MED15: variants seen among roughly 807,000 people sequenced by gnomAD.
MED15 encodes mediator complex subunit 15.
MED15 carries 41 observed loss-of-function variants against 118.7 expected under a neutral mutation model. That is an observed-to-expected ratio of 0.35 (90% CI 0.27 to 0.45). The LOEUF is 0.45. MED15 is among the 20% of genes least tolerant of loss of function. The pLI, the probability that MED15 is intolerant of heterozygous loss-of-function variation, is 1.00. For synonymous variants in MED15, 436 were observed against 413.9 expected (o/e 1.05, Z -0.65); for missense variants, 740 against 1,025.5 (o/e 0.72, Z 3.80).
intron 17 of MED15, among the ~76,000 whole-genome samples, 156 bp from the exon 18 acceptor site, chr22:20,586,412 G>A (rs1466017703): frequency 1.3e-5 from 2 of 152,250 alleles, no homozygotes; most frequent in Non-Finnish European, 2.9e-5. Context: ...TGAGGCTCTG[G>A]GAGGAGAGCC....
At position 20,564,559 on chromosome 22, in the gene MED15, G is replaced by C. The variant is rs368214421; in HGVS notation, c.561G>C (p.Gln187His). ...AGCAGCAGCAGCAGCAGCAACAGCA[G>C]CAGTTCCAGGCTCAGCAGAGTGCCA... is the stretch of plus-strand genomic sequence containing the variant. Reference protein sequence around the residue: ...LQQQQQQQQQQQFQAQQSAMQ... With the variant: ...LQQQQQQQQQHQFQAQQSAMQ... Residue 187 changes from glutamine to histidine, a missense_variant, in exon 6 of 18, where the codon CAG becomes CAC. This residue lies in a region of MED15 where 384 missense variants were observed against 506.3 expected (regional missense o/e 0.76). Coordinates refer to ENST00000263205, the MANE Select transcript of MED15 (RefSeq NM_001003891.3). 6.2e-7 allele frequency: 1 copy of C among 1,606,574 alleles called. No individual in the cohort carries two copies.
chr22:20,571,480 A>G (rs1454374739), intron 8 of MED15, among the ~76,000 whole-genome samples: 2 of 152,236 alleles, frequency 1.3e-5, no homozygotes, highest in Non-Finnish European at 2.9e-5. Flanking sequence ...GGAGCCTTGT[A>G]GTTTCTCAAA....
chr22:20,521,934 C>T (rs2054478014), intron 1 of MED15: 1 of 151,970 alleles, frequency 6.6e-6, no homozygotes, highest in African/African-American at 2.4e-5. Context: ...CCATGTTGGG[C>T]AGGCTGGTGT....
Position 20,566,742 on chromosome 22 carries a change from G to T in MED15, c.966G>T (p.Ser322=), listed in dbSNP as rs777724806. 5.6e-6 allele frequency: 9 copies of T among 1,614,076 alleles called. No individual in the cohort carries two copies. The East Asian group carries it at 1.8e-4, about 32-fold the overall frequency. ...QNQPSQLPPQ[S]QTQPLVSQAQ... ...AACCATCACAACTCCCGCCACAGTCGCAGACCCAGCCTTTGGTGTCACAGG... is the reference window on the plus strand; with the variant it reads ...AACCATCACAACTCCCGCCACAGTCTCAGACCCAGCCTTTGGTGTCACAGG... Residue 322 remains serine, a synonymous_variant, in exon 7 of 18, where the codon TCG becomes TCT. Coordinates refer to ENST00000263205, the MANE Select transcript of MED15 (RefSeq NM_001003891.3).
At chr22:20,520,769 G>A (rs555453900) in intron 1 of MED15, among the ~76,000 whole-genome samples, 10 of 151,990 alleles carry the variant, frequency 6.6e-5, no homozygotes, top group African/African-American at 2.4e-5. Flanking sequence ...ACAGGGTCTC[G>A]CCCTGTTGCC....
chr22:20,574,259 G>A (rs974625340), intron 8 of MED15: 1 of 152,250 alleles, frequency 6.6e-6, no homozygotes, highest in African/African-American at 2.4e-5. Context: ...GTGCCTGTAG[G>A]CCCTGCTCTC....
chr22:20,569,576 G>C (rs186871170), intron 8 of MED15, among the ~76,000 whole-genome samples: 2 of 152,246 alleles, frequency 1.3e-5, no homozygotes, highest in African/African-American at 4.8e-5. Context: ...CGCTTGGGGG[G>C]TGCTCAGTAA....
At chr22:20,578,896 G>A (rs1209869423) in intron 9 of MED15, among the ~76,000 whole-genome samples, 1 of 150,312 alleles carries the variant, frequency 6.7e-6, no homozygotes, top group South Asian at 2.1e-4. Flanking sequence ...AGAGGGCAGG[G>A]CCCAGGCTCC....
At chr22:20,528,725 C>T (rs2054746857) in intron 1 of MED15, among the ~76,000 whole-genome samples, 1 of 152,182 alleles carries the variant, frequency 6.6e-6, no homozygotes, top group East Asian at 1.9e-4. Context: ...CAGTGGGTCT[C>T]GGCAGTTAGC....
intron 14 of MED15, 36 bp downstream of exon 14, chr22:20,584,461 G>C (rs1365196561): frequency 7.5e-6 from 12 of 1,608,498 alleles, no homozygotes; most frequent in African/African-American, 2.7e-5. Flanking sequence ...GGGGAACCAG[G>C]GCTCTCCTAA....
chr22:20,507,797 C>T (rs369116606), intron 1 of MED15, 51 bp downstream of exon 1: 344 of 1,610,520 alleles, frequency 2.1e-4, no homozygotes, highest in Non-Finnish European at 2.9e-4. Context: ...TCCTCCTTAG[C>T]GTGGCGGGCG....
chr22:20,564,634 G>C lies in MED15; in HGVS notation c.636G>C (p.Gln212His). Residue 212 changes from glutamine (Q) to histidine (H), a missense_variant, in exon 6 of 18, where the codon CAG (glutamine) becomes CAC (histidine). Gln to His is a conservative substitution (Grantham distance 24). Transcript: ENST00000263205. ...AVVQQQQQLQQQQQQQQHLIK... is the reference protein window; with the variant it reads ...AVVQQQQQLQHQQQQQQHLIK... The stretch of plus-strand genomic sequence containing the variant: ...TGCAGCAGCAGCAGCAGCTCCAGCA[G>C]CAGCAGCAGCAGCAGCAGCATCTAA... The C allele has an allele frequency of 6.2e-7, 1 of 1,604,628 alleles. No individual in the cohort carries two copies. Among genetic ancestry groups the C allele is most frequent in the African/African-American group, 1.4e-5 (1 of 73,836 alleles).
At chr22:20,570,768 T>G (rs2056632389) in intron 8 of MED15, among the ~76,000 whole-genome samples, 1 of 126,640 alleles carries the variant, frequency 7.9e-6, no homozygotes, top group African/African-American at 3.2e-5. Flanking sequence ...TTTTTTTTTT[T>G]TTTTTTTTGA....
intron 6 of MED15, among the ~76,000 whole-genome samples, chr22:20,566,237 G>A (rs1397817476): frequency 5.3e-5 from 8 of 151,800 alleles, no homozygotes; most frequent in Non-Finnish European, 1.2e-4. Context: ...ACGGGGTTTC[G>A]CCAGGTTGTC....
intron 5 of MED15, among the ~76,000 whole-genome samples, chr22:20,558,378 G>A (rs1167573892): frequency 1.3e-5 from 2 of 152,124 alleles, no homozygotes; most frequent in Non-Finnish European, 2.9e-5. Context: ...TAGGCCAGGG[G>A]ACATTGTGAT....
At chr22:20,543,098 TTC>T (rs1247295352) in intron 2 of MED15, among the ~76,000 whole-genome samples, 1 of 150,164 alleles carries the variant, frequency 6.7e-6, no homozygotes. Flanking sequence ...TTCCCTCAAT[TTC>T]TCTCTCTTCT....
intron 1 of MED15, among the ~76,000 whole-genome samples, chr22:20,526,844 G>A (rs1174835247): frequency 6.6e-6 from 1 of 152,100 alleles, no homozygotes; most frequent in East Asian, 1.9e-4. Flanking sequence ...GCCCAGACTG[G>A]GACTGTTGTC....
At chr22:20,551,274 C>T in intron 2 of MED15, 162 bp from the exon 3 acceptor site, 1 of 771,924 alleles carries the variant, frequency 1.3e-6, no homozygotes, top group South Asian at 1.4e-5. Context: ...ACTGACGGCT[C>T]TCTTCCGAGA....
chr22:20,525,877 C>T (rs1199208309), intron 1 of MED15, among the ~76,000 whole-genome samples: 1 of 151,702 alleles, frequency 6.6e-6, no homozygotes, highest in Non-Finnish European at 1.5e-5. Flanking sequence ...GAGTATTTCT[C>T]TACGACACTC....
Sources: gnomAD v4.1 joint callset for allele counts (sites outside exome capture counted in the v4.1 genomes callset) on GRCh38, gnomAD v4.1.1 for gene constraint, gnomAD v4.1.1 regional missense constraint, MANE v1.5 for transcripts, NCBI Gene and HGNC (gene_info 2026-07-23, HGNC 2026-07-21) for gene names.